The following INO80E variants were observed in gnomAD, a reference collection of about 807,000 sequenced individuals.
INO80E encodes INO80 complex subunit E.
In INO80E, 20 loss-of-function variants were observed where a neutral mutation model predicts 27.3. The ratio of observed to expected loss-of-function variants is 0.73; its 90% CI spans 0.51 to 1.06. The LOEUF (loss-of-function observed/expected upper bound fraction) is 1.06. Ranked by LOEUF, INO80E falls within the 50% of genes least tolerant of loss-of-function variation. INO80E has a pLI of 0.00. For synonymous variants in INO80E, 167 were observed against 145.9 expected (o/e 1.14, Z -1.04); for missense variants, 357 against 322.8 (o/e 1.11, Z -0.81).
rs1567268672 is a variant in INO80E, at chr16:30,000,836, G to GGTGA, written c.284+2_284+5dup. ...TTGTCTGACACACCGGCCCCTAAGA[G>GGTGA]GTGAGAAGAAGATGCATTCCTCTCG... On this transcript the variant is annotated stop_gained and frameshift_variant and splice_region_variant. Coordinates refer to ENST00000563197, the MANE Select transcript of INO80E (RefSeq NM_173618.3). LOFTEE classifies it high-confidence loss of function. The GGTGA allele has an allele frequency of 6.2e-7, 1 of 1,614,028 alleles. No individual in the cohort carries two copies.
Position 29,998,085 on chromosome 16 carries a change from A to G in INO80E, c.205+1225A>G, listed in dbSNP as rs1596665088. The stretch of plus-strand genomic sequence containing the variant: ...ACAGAGCAAGACTGTCTCAAAAGAA[A>G]GAAACCCCATCCTGGCTAACACAGT... On this transcript the variant is annotated intron_variant, in intron 3 of 6. Coordinates refer to ENST00000563197, the MANE Select transcript of INO80E (RefSeq NM_173618.3). Among the ~76,000 whole-genome samples the G allele has an allele frequency of 2.0e-5, 3 of 152,176 alleles. No homozygotes were observed. The South Asian group carries it at 6.2e-4, about 32-fold the overall frequency.
At chr16:29,996,494 G>C in intron 1 of INO80E, 53 bp from the exon 2 acceptor site, 1 of 1,551,748 alleles carries the variant, frequency 6.4e-7, no homozygotes. Context: ...CGCTGGTTCC[G>C]GGGCCCTTCA....
chr16:30,001,110 C>T, intron 5 of INO80E, 70 bp downstream of exon 5: 1 of 1,484,568 alleles, frequency 6.7e-7, no homozygotes, highest in Non-Finnish European at 9.1e-7. Context: ...AGGGCTGGGC[C>T]TCGGGGCAAG....
chr16:30,001,077 AAGG>A, intron 5 of INO80E, 37 bp downstream of exon 5: 1 of 1,511,826 alleles, frequency 6.6e-7, no homozygotes, highest in Non-Finnish European at 8.9e-7. Flanking sequence ...GCTTGGGAGT[AAGG>A]TGGGCGTCAT....
At chr16:30,002,915 T>C (rs2070402035) in intron 6 of INO80E, 1 of 152,332 alleles carries the variant, frequency 6.6e-6, no homozygotes, top group Admixed American at 6.5e-5. Context: ...TTTGCGGTGG[T>C]CTGGAGTACA....
Position 30,000,956 on chromosome 16 carries a change from C to G in INO80E, c.312C>G (p.Ala104=), listed in dbSNP as rs745395221. 3 of 1,581,236 alleles carry G rather than the reference C, an allele frequency of 1.9e-6. No homozygotes were observed. In the South Asian group the frequency reaches 3.4e-5, roughly 18 times the overall value. The change falls in exon 5 of 7, where the codon GCC becomes GCG. Residue 104 remains alanine (A), a synonymous_variant. Transcript: ENST00000563197. ...AGAGAAGCCCTCCGCTGGGGGGCGCCCCCTCTCCCTCCAGCCTCTCCCTGC... is the reference window on the plus strand; with the variant it reads ...AGAGAAGCCCTCCGCTGGGGGGCGCGCCCTCTCCCTCCAGCCTCTCCCTGC... ...KRKRSPPLGG[A]PSPSSLSLPP...
rs1430851129 is a variant in INO80E at position 30,000,981 on chromosome 16, C to A, written c.337C>A (p.Pro113Thr). ...CCCCTCTCCCTCCAGCCTCTCCCTG[C>A]CTCCTTCAACAGGGTTTCCCCTTCA... ...GAPSPSSLSLPPSTGFPLQAS... is the reference protein window; with the variant it reads ...GAPSPSSLSLTPSTGFPLQAS... Residue 113 changes from proline to threonine, a missense_variant, in exon 5 of 7, where the codon CCT becomes ACT. Physicochemically the swap from Pro to Thr is conservative, Grantham distance 38. Coordinates refer to ENST00000563197, the MANE Select transcript of INO80E (RefSeq NM_173618.3). The A allele has an allele frequency of 6.4e-7, 1 of 1,565,034 alleles. No individual in the cohort carries two copies. The highest frequency in any genetic ancestry group is 1.2e-5 in the South Asian group (1 of 84,338).
Position 29,996,336 on chromosome 16 carries a change from T to C in INO80E, c.26T>C (p.Val9Ala). Residue 9 changes from valine to alanine, a missense_variant, in exon 1 of 7, where the codon GTG (valine) becomes GCG (alanine). Coordinates refer to ENST00000563197, the MANE Select transcript of INO80E (RefSeq NM_173618.3). The stretch of plus-strand genomic sequence containing the variant: ...ATGAACGGGCCGGCGGACGGCGAAG[T>C]GGACTACAAAAAAAAATACCGGAAT... MNGPADGE[V>A]DYKKKYRNLK... The C allele has an allele frequency of 4.4e-6, 7 of 1,595,868 alleles. No homozygotes were observed. The highest frequency in any genetic ancestry group is 5.1e-6 in the Non-Finnish European group (6 of 1,171,582).
chr16:29,997,676 C>T (rs2070184608), intron 3 of INO80E, among the ~76,000 whole-genome samples: 1 of 151,806 alleles, frequency 6.6e-6, no homozygotes, highest in Non-Finnish European at 1.5e-5. Flanking sequence ...ATCATTTGAA[C>T]CCTGGAGGCA....
chr16:29,997,208 A>G (rs2070158963), intron 3 of INO80E, among the ~76,000 whole-genome samples: 1 of 152,170 alleles, frequency 6.6e-6, no homozygotes, highest in African/African-American at 2.4e-5. Context: ...TTATGCGGTA[A>G]TGATTATAGT....
Position 30,000,940 on chromosome 16 carries a change from C to G in INO80E, c.296C>G (p.Pro99Arg). The change falls in exon 5 of 7, where the codon CCT (proline) becomes CGT (arginine). Residue 99 changes from proline (P) to arginine (R), a missense_variant. Physicochemically the swap from Pro to Arg is moderately radical, Grantham distance 103 (BLOSUM62 -2). Coordinates refer to ENST00000563197, the MANE Select transcript of INO80E (RefSeq NM_173618.3). ...TGTCCTTTCTCCAGGAAGAGAAGCC[C>G]TCCGCTGGGGGGCGCCCCCTCTCCC... ...DTPAPKRKRS[P>R]PLGGAPSPSS... The G allele has an allele frequency of 6.3e-7, 1 of 1,595,312 alleles. No individual in the cohort carries two copies. The highest frequency in any genetic ancestry group is 8.6e-7 in the Non-Finnish European group (1 of 1,167,462).
intron 6 of INO80E, among the ~76,000 whole-genome samples, 191 bp from the exon 7 acceptor site, chr16:30,005,030 C>T (rs1026535172): frequency 5.3e-5 from 8 of 152,150 alleles, no homozygotes; most frequent in Non-Finnish European, 1.2e-4. Flanking sequence ...CTATCACCAC[C>T]CCCAGGCACT....
intron 5 of INO80E, 149 bp from the exon 6 acceptor site, chr16:30,001,265 C>T: frequency 6.7e-7 from 1 of 1,489,326 alleles, no homozygotes; most frequent in Non-Finnish European, 9.0e-7. Context: ...CATCCTGCTG[C>T]TGCCCGGCCC....
At position 30,003,243 on chromosome 16, in the gene INO80E, C is replaced by A. The variant is rs11150580; in HGVS notation, c.513+1713C>A. 6.6e-6 allele frequency: 1 copy of A among 151,944 alleles called. No homozygotes were observed. Among genetic ancestry groups the A allele is most frequent in the Admixed American group, 6.6e-5 (1 of 15,238 alleles). 9.4% of individuals were successfully genotyped at this position (151,944 alleles called of 1,614,324 possible). ...CCAGGAAAGGCCTCAGCAAGGAGAA[C>A]GTGTAAGCCCAGGGTGAGTGGATTT... On this transcript the variant is annotated intron_variant, in intron 6 of 6. Transcript: ENST00000563197. The surrounding 1 kb of genome is among the most constrained non-coding windows in gnomAD (Gnocchi z 4.4).
At position 30,001,018 on chromosome 16, in the gene INO80E, T is replaced by G. The variant is rs2070330599; in HGVS notation, c.374T>G (p.Val125Gly). ...GGGTTTCCCCTTCAGGCCTCCGGGG[T>G]CCCCTCCCCATACCTGAGCTCGGTG... ...STGFPLQASG[V>G]PSPYLSSLAS... is the part of the protein sequence containing the mutation. The change falls in exon 5 of 7, where the codon GTC becomes GGC. Residue 125 changes from valine (V) to glycine (G), a missense_variant. Val to Gly is a moderately radical substitution (Grantham distance 109, BLOSUM62 -3). Coordinates refer to ENST00000563197, the MANE Select transcript of INO80E (RefSeq NM_173618.3). 1 of 1,549,924 alleles carries G rather than the reference T, an allele frequency of 6.5e-7. No individual in the cohort carries two copies. Among genetic ancestry groups the G allele is most frequent in the Non-Finnish European group, 8.7e-7 (1 of 1,146,996 alleles).
chr16:29,996,821 C>T lies in INO80E; in HGVS notation c.166C>T (p.Arg56Ter). The change falls in exon 3 of 7, where the codon CGA (arginine) becomes TGA (stop). Residue 56 changes from arginine (R) to a stop codon, truncating the protein, a stop_gained. Transcript: ENST00000563197. LOFTEE classifies it high-confidence loss of function. ...CCCTCCCCTCAGTTTCCTCCTAGACCGACTTCTGCAGTACGAGAACGTGGA... is the reference window on the plus strand; with the variant it reads ...CCCTCCCCTCAGTTTCCTCCTAGACTGACTTCTGCAGTACGAGAACGTGGA... ...VSRDKSFLLD[R>*]LLQYENVDED... is the part of the protein sequence containing the mutation. The T allele has an allele frequency of 6.2e-7, 1 of 1,614,124 alleles. No individual in the cohort carries two copies. Among genetic ancestry groups the T allele is most frequent in the Non-Finnish European group, 8.5e-7 (1 of 1,179,990 alleles).
Position 30,001,525 on chromosome 16 carries a change from CTCAA to C in INO80E, c.509_512del (p.Leu170ArgfsTer15). 1 of 1,612,462 alleles carries C rather than the reference CTCAA, an allele frequency of 6.2e-7. No homozygotes were observed. The highest frequency in any genetic ancestry group is 8.5e-7 in the Non-Finnish European group (1 of 1,179,310). On this transcript the variant is annotated frameshift_variant and splice_region_variant, in exon 6 of 7. Coordinates refer to ENST00000563197, the MANE Select transcript of INO80E (RefSeq NM_173618.3). LOFTEE classifies it high-confidence loss of function. Reference sequence around the variant, plus strand: ...GAAACGGCCCCGCCTGCCCCGGAAACTCAAGGTACCCTGACGTGGGGGTGCTAGG... The same window carrying C: ...GAAACGGCCCCGCCTGCCCCGGAAACGGTACCCTGACGTGGGGGTGCTAGG...
In INO80E at chr16:30,005,597, C is replaced by A; in HGVS notation, c.*155C>A. The A allele has an allele frequency of 1.4e-6, 1 of 733,968 alleles. No individual in the cohort carries two copies. Among genetic ancestry groups the A allele is most frequent in the Non-Finnish European group, 2.2e-6 (1 of 446,598 alleles). 45.5% of individuals were successfully genotyped at this position (733,968 alleles called of 1,614,324 possible). On this transcript the variant is annotated 3_prime_UTR_variant, in exon 7 of 7. Coordinates refer to ENST00000563197, the MANE Select transcript of INO80E (RefSeq NM_173618.3). Reference sequence around the variant, plus strand: ...AAAAGGCGTAAACATGCACGGGTGTCCCCCAGGAGGGTGGCAGGGGCCCTG... The same window carrying A: ...AAAAGGCGTAAACATGCACGGGTGTACCCCAGGAGGGTGGCAGGGGCCCTG...
intron 5 of INO80E, 129 bp downstream of exon 5, chr16:30,001,169 G>T: frequency 6.8e-7 from 1 of 1,472,794 alleles, no homozygotes; most frequent in East Asian, 2.5e-5. Context: ...CAAGTGTCCC[G>T]TGGAGGGTGT....
Sources: gnomAD v4.1 joint callset for allele counts (sites outside exome capture counted in the v4.1 genomes callset) on GRCh38, gnomAD v4.1.1 for gene constraint, Gnocchi (gnomAD v3.1) non-coding constraint, MANE v1.5 for transcripts, NCBI Gene and HGNC (gene_info 2026-07-23, HGNC 2026-07-21) for gene names.